The following GLT1D1 variants were observed in gnomAD, a reference collection of about 807,000 sequenced individuals.
GLT1D1 encodes the protein glycosyltransferase 1 domain-containing protein 1.
In GLT1D1, 21 loss-of-function variants were observed where a neutral mutation model predicts 28.7. That is an observed-to-expected ratio of 0.73 (90% CI 0.52 to 1.05). GLT1D1 has a LOEUF of 1.05. GLT1D1 is among the 50% of genes least tolerant of loss of function. The pLI is 0.00. For missense variants in GLT1D1, 343 were observed against 330.6 expected, an observed-to-expected ratio of 1.04 and a Z score of -0.29; for synonymous variants, 147 against 124.8, an observed-to-expected ratio of 1.18 and a Z score of -1.19.
At chr12:128,913,650 G>A (rs888708816) in intron 4 of GLT1D1, among the ~76,000 whole-genome samples, 6 of 152,192 alleles carry the variant, frequency 3.9e-5, no homozygotes, top group Non-Finnish European at 7.4e-5. Flanking sequence ...CCAGGCGTTC[G>A]GGCCTCCTGA....
intron 4 of GLT1D1, among the ~76,000 whole-genome samples, chr12:128,901,782 C>T (rs1246579530): frequency 6.6e-6 from 1 of 150,676 alleles, no homozygotes; most frequent in Non-Finnish European, 1.5e-5. Flanking sequence ...GGCTCTCATT[C>T]TGTTACCCAG....
intron 3 of GLT1D1, among the ~76,000 whole-genome samples, chr12:128,891,580 A>T (rs567228751): frequency 6.6e-6 from 1 of 152,346 alleles, no homozygotes; most frequent in Non-Finnish European, 1.5e-5. Flanking sequence ...AGCTCTGGCC[A>T]GGGAATTTGG....
chr12:128,924,164 T>C (rs1412620427), intron 4 of GLT1D1, among the ~76,000 whole-genome samples: 1 of 152,022 alleles, frequency 6.6e-6, no homozygotes, highest in Non-Finnish European at 1.5e-5. Flanking sequence ...CACTGGCTCA[T>C]GCCTGTAATC....
At chr12:128,952,226 G>A (rs1402717945) in intron 6 of GLT1D1, among the ~76,000 whole-genome samples, 1 of 151,970 alleles carries the variant, frequency 6.6e-6, no homozygotes, top group Non-Finnish European at 1.5e-5. Flanking sequence ...CGTAGTAAGT[G>A]CTGAGGAGGA....
At chr12:128,874,090 TTCTTTCTTTCTCTCTCTCTCTC>T (rs1956785645) in intron 1 of GLT1D1, among the ~76,000 whole-genome samples, 1 of 25,312 alleles carries the variant, frequency 4.0e-5, no homozygotes, top group African/African-American at 1.7e-4. Flanking sequence ...CTTTCTTTCT[TTCTTTCTTTCTCTCTCTCTCTC>T]TCTCTCTCTC....
intron 4 of GLT1D1, among the ~76,000 whole-genome samples, chr12:128,924,429 A>AT (rs1872977007): frequency 6.6e-6 from 1 of 151,050 alleles, no homozygotes; most frequent in Non-Finnish European, 1.5e-5. Flanking sequence ...TTGGTCTCAA[A>AT]AAAAAAAAGA....
At chr12:128,971,325 CCTT>C (rs1303137739) in intron 7 of GLT1D1, among the ~76,000 whole-genome samples, 4 of 142,346 alleles carry the variant, frequency 2.8e-5, no homozygotes, top group African/African-American at 1.1e-4. Flanking sequence ...TCATCTCCCT[CCTT>C]TCTTCCTCCC....
chr12:128,921,876 C>A (rs142122710), intron 4 of GLT1D1, among the ~76,000 whole-genome samples: 118 of 152,008 alleles, frequency 7.8e-4, no homozygotes, highest in African/African-American at 2.7e-3. Context: ...AATACCATCT[C>A]TGGATGCCAT....
intron 4 of GLT1D1, among the ~76,000 whole-genome samples, chr12:128,927,999 CAAA>C (rs938188484): frequency 0.17 from 7,232 of 42,282 alleles, 274 homozygotes; most frequent in Non-Finnish European, 0.19. Flanking sequence ...GACTCTGTCT[CAAA>C]AAAAAAAAAA....
chr12:128,878,154 G>A (rs1956917551), intron 2 of GLT1D1, among the ~76,000 whole-genome samples: 1 of 152,180 alleles, frequency 6.6e-6, no homozygotes, highest in African/African-American at 2.4e-5. Flanking sequence ...GCACTACACA[G>A]AGCATGCATA....
intron 7 of GLT1D1, among the ~76,000 whole-genome samples, chr12:128,969,534 C>T (rs61083719): frequency 7.3e-4 from 111 of 152,290 alleles, no homozygotes; most frequent in African/African-American, 2.7e-3. Context: ...GTGCACTGAG[C>T]TGCTGCGCGG....
chr12:128,862,004 A>G (rs1956390150), intron 1 of GLT1D1, among the ~76,000 whole-genome samples: 1 of 152,118 alleles, frequency 6.6e-6, no homozygotes, highest in Non-Finnish European at 1.5e-5. Flanking sequence ...TGTTTTTTGA[A>G]GATCTTGTTA....
At chr12:128,883,084 G>A (rs968736316) in intron 2 of GLT1D1, among the ~76,000 whole-genome samples, 1 of 151,112 alleles carries the variant, frequency 6.6e-6, no homozygotes, top group South Asian at 2.1e-4. Context: ...GCGCCACCAC[G>A]CCCAGCTAAT....
rs533576804 is a variant in GLT1D1, at chr12:128,895,749, G to A, written c.324-3487G>A. Among the ~76,000 whole-genome samples, 18 of 152,154 alleles carry A rather than the reference G, an allele frequency of 1.2e-4. 1 individual carries two copies. In the South Asian group the frequency reaches 2.5e-3, roughly 21 times the overall value. ...GCTGAGATTACAGGCGTGAACCACC[G>A]CTTCCGGCCTTACAGATGCTATTGA... On this transcript the variant is annotated intron_variant, in intron 3 of 7. Coordinates refer to ENST00000281703, the MANE Select transcript of GLT1D1 (RefSeq NM_144669.3).
intron 7 of GLT1D1, among the ~76,000 whole-genome samples, chr12:128,975,107 CCAT>C (rs1231445609): frequency 6.6e-6 from 1 of 152,236 alleles, no homozygotes; most frequent in African/African-American, 2.4e-5. Flanking sequence ...TGAGCACCCA[CCAT>C]GTCTGTGGGT....
At position 128,910,626 on chromosome 12, in the gene GLT1D1, T is replaced by G. The variant is rs470396; in HGVS notation, c.375+11339T>G. Among the ~76,000 whole-genome samples, 23 of 151,936 alleles carry G rather than the reference T, an allele frequency of 1.5e-4. No homozygotes were observed. In the East Asian group the frequency reaches 4.1e-3, roughly 27 times the overall value. On this transcript the variant is annotated intron_variant, in intron 4 of 7. Transcript: ENST00000281703. ...TTTCCAGGGAAATTATAATTCAGCA[T>G]AAGGAGTAGTTTAGGGCTCTGAACT...
At chr12:128,951,940 C>T (rs1876730181) in intron 6 of GLT1D1, among the ~76,000 whole-genome samples, 1 of 152,162 alleles carries the variant, frequency 6.6e-6, no homozygotes, top group African/African-American at 2.4e-5. Flanking sequence ...CTGCGGTTTT[C>T]CTTGGAGGCA....
Position 128,968,751 on chromosome 12 carries a change from C to T in GLT1D1, c.639+11108C>T, listed in dbSNP as rs140399547. 4.4e-3 allele frequency among the ~76,000 whole-genome samples: 670 copies of T among 152,224 alleles called. 6 individuals are homozygous for T. Among genetic ancestry groups the T allele is most frequent in the Non-Finnish European group, 4.4e-3 (296 of 68,014 alleles). Reference sequence around the variant, plus strand: ...TGGGGGTTGTGATTGGGTGCCTGGGCTGGTGTATTGTTAGGGACACAGATT... The same window carrying T: ...TGGGGGTTGTGATTGGGTGCCTGGGTTGGTGTATTGTTAGGGACACAGATT... On this transcript the variant is annotated intron_variant, in intron 7 of 7. Coordinates refer to ENST00000281703, the MANE Select transcript of GLT1D1 (RefSeq NM_144669.3).
At chr12:128,913,679 GGC>G (rs1871783247) in intron 4 of GLT1D1, among the ~76,000 whole-genome samples, 1 of 152,252 alleles carries the variant, frequency 6.6e-6, no homozygotes. Context: ...ATGGTGCTCA[GGC>G]GCACCTTAGT....
Sources: allele counts gnomAD v4.1 joint callset (sites outside exome capture counted in the v4.1 genomes callset), GRCh38; gene constraint gnomAD v4.1.1; transcripts MANE v1.5; gene names NCBI Gene and HGNC (gene_info 2026-07-23, HGNC 2026-07-21).